The following LINGO2 variants were observed in gnomAD, a reference collection of about 807,000 sequenced individuals.
LINGO2 encodes leucine-rich repeat and immunoglobulin-like domain-containing nogo receptor-interacting protein 2.
LINGO2 carries 14 observed loss-of-function variants against 30.6 expected under a neutral mutation model. The observed-to-expected ratio is 0.46, with a 90% CI of 0.30 to 0.72. The LOEUF (loss-of-function observed/expected upper bound fraction) is 0.72. Ranked by LOEUF, LINGO2 falls within the 30% of genes least tolerant of loss-of-function variation. The pLI is 0.07. For missense variants in LINGO2, 729 were observed against 751.7 expected, an observed-to-expected ratio of 0.97 and a Z score of 0.35; for synonymous variants, 317 against 288.5, an observed-to-expected ratio of 1.10 and a Z score of -1.00.
chr9:29,026,956 T>C, the LINGO2 span, among the ~76,000 whole-genome samples: 11 of 152,206 alleles, frequency 7.2e-5, no homozygotes, highest in Admixed American at 7.2e-4. Flanking sequence ...CTAAATAAAA[T>C]AACAACTACA....
At chr9:27,945,019 C>A (rs1057062101), downstream of LINGO2, among the ~76,000 whole-genome samples, 8 of 152,078 alleles carry the variant, frequency 5.3e-5, no homozygotes, top group Non-Finnish European at 1.2e-4. Context: ...CTTGATATAT[C>A]TTTATGTTTG....
At chr9:28,565,929 G>T (rs928193984) in intron 1 of LINGO2, among the ~76,000 whole-genome samples, 1 of 152,004 alleles carries the variant, frequency 6.6e-6, no homozygotes, top group African/African-American at 2.4e-5. Flanking sequence ...CACTCTTGGG[G>T]CTTTACACTC....
intron 4 of LINGO2, among the ~76,000 whole-genome samples, chr9:28,137,020 C>G (rs1485824049): frequency 6.6e-6 from 1 of 151,850 alleles, no homozygotes; most frequent in Admixed American, 6.6e-5. Context: ...GGAATTTATG[C>G]CTTCATCTCT....
chr9:27,959,130 T>C (rs1200055924), intron 5 of LINGO2, among the ~76,000 whole-genome samples: 1 of 152,184 alleles, frequency 6.6e-6, no homozygotes, highest in Non-Finnish European at 1.5e-5. Context: ...AGGTTATCTG[T>C]TTTATTCCTG....
chr9:28,491,770 C>T (rs1035936157), intron 1 of LINGO2, among the ~76,000 whole-genome samples: 4 of 152,094 alleles, frequency 2.6e-5, no homozygotes, highest in African/African-American at 4.8e-5. Flanking sequence ...GTTTATAAAA[C>T]AGGCTCCAAT....
rs187321793 is a variant in LINGO2, at chr9:28,411,190, A to C, written c.-278-38322T>G. ...TTAACAGGCATATGAAAACATGCTA[A>C]GATTAGTTATTTAAAAACCAGGCAA... On this transcript the variant is annotated intron_variant, in intron 2 of 5. Coordinates refer to ENST00000379992, the Ensembl canonical transcript of LINGO2. Among the ~76,000 whole-genome samples the C allele has an allele frequency of 3.3e-5, 5 of 152,200 alleles. No homozygotes were observed. The East Asian group carries it at 7.7e-4, about 24-fold the overall frequency.
At chr9:29,132,041 C>T in the LINGO2 span, among the ~76,000 whole-genome samples, 10 of 151,790 alleles carry the variant, frequency 6.6e-5, no homozygotes, top group African/African-American at 2.4e-4. Context: ...GGTGAAGGCA[C>T]AACTGCTGGC....
chr9:28,880,956 CAT>C, the LINGO2 span, among the ~76,000 whole-genome samples: 1 of 152,096 alleles, frequency 6.6e-6, no homozygotes. Flanking sequence ...CTTTTGCTCA[CAT>C]GTTTGTTGCT....
chr9:28,515,909 C>T (rs1820602003), intron 1 of LINGO2, among the ~76,000 whole-genome samples: 1 of 152,106 alleles, frequency 6.6e-6, no homozygotes, highest in Admixed American at 6.5e-5. Flanking sequence ...CAGCAAACTT[C>T]TTTTGTTGTC....
At chr9:28,742,893 A>G in the LINGO2 span, among the ~76,000 whole-genome samples, 1 of 152,030 alleles carries the variant, frequency 6.6e-6, no homozygotes, top group Non-Finnish European at 1.5e-5. Context: ...TTATAGGACC[A>G]ATAATTCAAT....
chr9:28,538,404 G>A (rs1487224431), intron 1 of LINGO2, among the ~76,000 whole-genome samples: 2 of 151,894 alleles, frequency 1.3e-5, no homozygotes, highest in Non-Finnish European at 2.9e-5. Context: ...GGTTGATAGA[G>A]ATATTCAGTC....
chr9:28,915,121 A>C, the LINGO2 span, among the ~76,000 whole-genome samples: 1 of 152,168 alleles, frequency 6.6e-6, no homozygotes, highest in East Asian at 1.9e-4. Context: ...ACAGAGCGAG[A>C]CTCTGTCTCA....
chr9:29,196,685 C>A, the LINGO2 span, among the ~76,000 whole-genome samples: 1 of 151,662 alleles, frequency 6.6e-6, no homozygotes. Flanking sequence ...AAATACTAAC[C>A]CAAAGTAACT....
chr9:27,949,930 C>A, exon 6 of LINGO2: 3 of 1,613,956 alleles, frequency 1.9e-6, no homozygotes, highest in East Asian at 2.2e-5. Flanking sequence ...AGGTTGAGAC[C>A]GTAGAGGCTA....
At chr9:28,906,993 T>C in the LINGO2 span, among the ~76,000 whole-genome samples, 779 of 152,074 alleles carry the variant, frequency 5.1e-3, 5 homozygotes, top group African/African-American at 0.018. Flanking sequence ...AAGCAAATTT[T>C]ATAAGTGCTG....
intron 1 of LINGO2, among the ~76,000 whole-genome samples, chr9:28,601,964 C>T (rs1410323219): frequency 6.6e-6 from 1 of 151,962 alleles, no homozygotes; most frequent in Admixed American, 6.6e-5. Flanking sequence ...TGAAGAACTT[C>T]AAAGGTATAA....
chr9:28,589,595 G>A (rs1824761922), intron 1 of LINGO2, among the ~76,000 whole-genome samples: 1 of 152,060 alleles, frequency 6.6e-6, no homozygotes, highest in Non-Finnish European at 1.5e-5. Flanking sequence ...AACTTACAAG[G>A]GATGTGAAGG....
intron 3 of LINGO2, among the ~76,000 whole-genome samples, chr9:28,350,610 G>T (rs1438817276): frequency 6.7e-6 from 1 of 148,874 alleles, no homozygotes; most frequent in Non-Finnish European, 1.5e-5. Flanking sequence ...AAGTCAAGAA[G>T]GATACCCAGG....
At chr9:28,989,876 G>A in the LINGO2 span, among the ~76,000 whole-genome samples, 1 of 152,120 alleles carries the variant, frequency 6.6e-6, no homozygotes, top group East Asian at 1.9e-4. Flanking sequence ...TGACCACGAC[G>A]ACCTTAAAAA....
Sources: gnomAD v4.1 joint callset for allele counts (sites outside exome capture counted in the v4.1 genomes callset) on GRCh38, gnomAD v4.1.1 for gene constraint, MANE v1.5 for transcripts, NCBI Gene and HGNC (gene_info 2026-07-23, HGNC 2026-07-21) for gene names.